The following ANO2 variants were observed in gnomAD, a reference collection of about 807,000 sequenced individuals.
The protein encoded by ANO2 is anoctamin-2.
ANO2 carries 101 observed loss-of-function variants against 124.2 expected under a neutral mutation model. The observed-to-expected ratio is 0.81, with a 90% CI of 0.69 to 0.96. The LOEUF is 0.96. Among genes scored for constraint, ANO2 ranks in the 40% least tolerant of loss-of-function variants. ANO2 has a pLI of 0.00. For missense variants in ANO2, 1,293 were observed against 1,274.5 expected (o/e 1.01, Z -0.22); for synonymous variants, 486 against 482.5 (o/e 1.01, Z -0.09).
At chr12:5,910,322 G>A (rs1437350471) in intron 3 of ANO2, among the ~76,000 whole-genome samples, 1 of 152,160 alleles carries the variant, frequency 6.6e-6, no homozygotes, top group Non-Finnish European at 1.5e-5. Context: ...TGGATTACAG[G>A]CACGTGCCAC....
intron 1 of ANO2, among the ~76,000 whole-genome samples, chr12:5,927,478 G>A (rs1942134533): frequency 6.6e-6 from 1 of 152,186 alleles, no homozygotes; most frequent in South Asian, 2.1e-4. Context: ...TGTTTTCAGA[G>A]TCTCCCCAAA....
At chr12:5,929,291 A>G (rs1942240978) in intron 1 of ANO2, among the ~76,000 whole-genome samples, 1 of 107,908 alleles carries the variant, frequency 9.3e-6, no homozygotes, top group Non-Finnish European at 1.8e-5. Context: ...TTCTTTCCTT[A>G]TTAGTCACTT....
At chr12:5,730,444 G>A (rs1409500583) in intron 14 of ANO2, among the ~76,000 whole-genome samples, 2 of 152,166 alleles carry the variant, frequency 1.3e-5, no homozygotes, top group Non-Finnish European at 2.9e-5. Flanking sequence ...CCATTCAACA[G>A]GAAGGAAAGT....
intron 14 of ANO2, among the ~76,000 whole-genome samples, chr12:5,665,696 C>T (rs1425931627): frequency 2.6e-5 from 4 of 151,738 alleles, no homozygotes; most frequent in Non-Finnish European, 5.9e-5. Flanking sequence ...CCTGGTCCCA[C>T]TCTGGTCCCA....
At chr12:5,796,389 C>CAT (rs1219422972) in intron 10 of ANO2, among the ~76,000 whole-genome samples, 2 of 151,094 alleles carry the variant, frequency 1.3e-5, no homozygotes, top group Non-Finnish European at 2.9e-5. Flanking sequence ...CCCAAACACA[C>CAT]ATATTCTCTG....
intron 14 of ANO2, among the ~76,000 whole-genome samples, chr12:5,667,867 T>C (rs560854652): frequency 6.6e-6 from 1 of 152,360 alleles, no homozygotes; most frequent in African/African-American, 2.4e-5. Context: ...TCCATGTCCC[T>C]GCAAAGAACA....
At chr12:5,924,908 G>A (rs1162746201) in intron 1 of ANO2, among the ~76,000 whole-genome samples, 1 of 152,140 alleles carries the variant, frequency 6.6e-6, no homozygotes, top group Non-Finnish European at 1.5e-5. Flanking sequence ...GGAATTGATT[G>A]AGGCCTGTCT....
chr12:5,732,682 G>A, intron 13 of ANO2, 52 bp from the exon 14 acceptor site: 1 of 1,570,366 alleles, frequency 6.4e-7, no homozygotes, highest in African/African-American at 1.3e-5. Context: ...AATGACCTTG[G>A]CCTTAGGGTT....
chr12:5,659,077 GGTCCCACTGTCCCCTCA>G (rs1447872078), intron 14 of ANO2, among the ~76,000 whole-genome samples: 1 of 152,050 alleles, frequency 6.6e-6, no homozygotes, highest in East Asian at 1.9e-4. Context: ...TCCACCACCT[GGTCCCACTGTCCCCTCA>G]GACCCAAGCT....
At chr12:5,799,738 C>T (rs1952984906) in intron 9 of ANO2, among the ~76,000 whole-genome samples, 167 bp from the exon 10 acceptor site, 1 of 152,220 alleles carries the variant, frequency 6.6e-6, no homozygotes. Flanking sequence ...TGGAAACTGG[C>T]TTCTCCTTCC....
chr12:5,674,075 T>C (rs1948126812), intron 14 of ANO2, among the ~76,000 whole-genome samples: 1 of 152,184 alleles, frequency 6.6e-6, no homozygotes, highest in African/African-American at 2.4e-5. Flanking sequence ...GCTTGATCTT[T>C]AAGGCTTGCC....
At position 5,593,214 on chromosome 12, in the gene ANO2, A is replaced by G. The variant is rs188105156; in HGVS notation, c.2233+6270T>C. ...ATGAATGACAGAAGAAATTCATCTC[A>G]TCACCCACAGTAATAGCCCAAGGGC... On this transcript the variant is annotated intron_variant, in intron 20 of 24. Coordinates refer to ENST00000682330, the MANE Select transcript of ANO2 (RefSeq NM_001364791.2). 3.0e-3 allele frequency among the ~76,000 whole-genome samples: 458 copies of G among 152,358 alleles called. 4 individuals are homozygous for G. The highest frequency in any genetic ancestry group is 0.01 in the African/African-American group (430 of 41,584).
intron 16 of ANO2, among the ~76,000 whole-genome samples, chr12:5,618,925 G>A (rs1944972165): frequency 6.6e-6 from 1 of 152,224 alleles, no homozygotes; most frequent in Admixed American, 6.5e-5. Context: ...AGGCTGCATT[G>A]CCATGTTCCA....
intron 14 of ANO2, among the ~76,000 whole-genome samples, chr12:5,684,902 A>C (rs935747954): frequency 1.3e-5 from 2 of 152,218 alleles, no homozygotes; most frequent in Non-Finnish European, 2.9e-5. Context: ...TCTACTGCTT[A>C]TTAGCCTGGG....
intron 16 of ANO2, among the ~76,000 whole-genome samples, chr12:5,620,641 C>G (rs1809094608): frequency 6.6e-6 from 1 of 152,018 alleles, no homozygotes; most frequent in African/African-American, 2.4e-5. Flanking sequence ...AATTGGAATT[C>G]TATAGGAGTT....
chr12:5,796,775 T>C (rs779366044), intron 10 of ANO2, among the ~76,000 whole-genome samples: 1 of 152,156 alleles, frequency 6.6e-6, no homozygotes, highest in Non-Finnish European at 1.5e-5. Context: ...CCAGGAACGG[T>C]GTCTCAAACC....
intron 14 of ANO2, among the ~76,000 whole-genome samples, chr12:5,680,525 G>T (rs1054736320): frequency 2.0e-5 from 3 of 152,176 alleles, no homozygotes; most frequent in Admixed American, 6.5e-5. Context: ...AAGAACGGCC[G>T]TGTGGAGCTG....
At chr12:5,666,969 G>A (rs550000202) in intron 14 of ANO2, among the ~76,000 whole-genome samples, 165 of 152,356 alleles carry the variant, frequency 1.1e-3, no homozygotes, top group African/African-American at 3.4e-3. Flanking sequence ...ATGTGCTCAA[G>A]CCTCAGTAAA....
intron 17 of ANO2, among the ~76,000 whole-genome samples, chr12:5,613,388 A>C (rs1944643786): frequency 1.3e-5 from 2 of 152,170 alleles, no homozygotes; most frequent in South Asian, 2.1e-4. Flanking sequence ...AGATGGACTA[A>C]AGTTGCGAAT....
Sources: gnomAD v4.1 joint callset for allele counts (sites outside exome capture counted in the v4.1 genomes callset) on GRCh38, gnomAD v4.1.1 for gene constraint, MANE v1.5 for transcripts, NCBI Gene and HGNC (gene_info 2026-07-23, HGNC 2026-07-21) for gene names.